SHF: variants seen among roughly 807,000 people sequenced by gnomAD.
SHF encodes SH2 domain-containing adapter protein F.
In SHF, 30 loss-of-function variants were observed where a neutral mutation model predicts 42.4. The ratio of observed to expected loss-of-function variants is 0.71; its 90% CI spans 0.53 to 0.96. The LOEUF is 0.96. SHF is among the 40% of genes least tolerant of loss of function. The pLI, the probability that SHF is intolerant of heterozygous loss-of-function variation, is 0.00. For synonymous variants in SHF, 264 were observed against 269.9 expected (o/e 0.98, Z 0.21); for missense variants, 598 against 634.0 (o/e 0.94, Z 0.61).
chr15:45,167,836 C>T lies in SHF; in HGVS notation c.*111G>A. 9.3e-7 allele frequency: 1 copy of T among 1,075,248 alleles called. No individual in the cohort carries two copies. The highest frequency in any genetic ancestry group is 1.3e-6 in the Non-Finnish European group (1 of 793,580). The allele number at this position is 1,075,248 out of a possible 1,614,324, so 66.6% of individuals were successfully genotyped here. A position where few individuals can be genotyped will look rare whatever the true frequency, so the allele number is the denominator to read the frequency against. On this transcript the variant is annotated 3_prime_UTR_variant, in exon 7 of 7. Coordinates refer to ENST00000690270, the MANE Select transcript of SHF (RefSeq NM_001394037.1). ...AGGAATCTCCAGCTTCTACTGGATCCCAGGAGAAGAAAGGTTTGAAAGATC... is the reference window on the plus strand; with the variant it reads ...AGGAATCTCCAGCTTCTACTGGATCTCAGGAGAAGAAAGGTTTGAAAGATC...
chr15:45,190,684 A>C (rs74467424), upstream of SHF, among the ~76,000 whole-genome samples: 16,064 of 152,050 alleles, frequency 0.11, 903 homozygotes, highest in Middle Eastern at 0.22. Flanking sequence ...AAGGAGTGAA[A>C]GGTCATTCCA....
At chr15:45,177,884 C>T (rs1433420653) in intron 2 of SHF, among the ~76,000 whole-genome samples, 2 of 152,160 alleles carry the variant, frequency 1.3e-5, no homozygotes, top group African/African-American at 4.8e-5. Context: ...TTTTTGGGAT[C>T]ACTGATCCTC....
At chr15:45,172,888 G>A (rs1026408551) in intron 4 of SHF, among the ~76,000 whole-genome samples, 8 of 150,640 alleles carry the variant, frequency 5.3e-5, no homozygotes, top group African/African-American at 1.9e-4. Context: ...CAGAGGCCCA[G>A]AGGCAGCACC....
chr15:45,175,262 C>A lies in SHF; in HGVS notation c.804G>T (p.Gln268His), dbSNP rs761156526. 6.2e-7 allele frequency: 1 copy of A among 1,612,130 alleles called. No individual in the cohort carries two copies. Among genetic ancestry groups the A allele is most frequent in the Non-Finnish European group, 8.5e-7 (1 of 1,179,342 alleles). Residue 268 changes from glutamine (Q) to histidine (H), a missense_variant, in exon 3 of 7, where the codon CAG becomes CAT. Physicochemically the swap from Gln to His is conservative, Grantham distance 24. Around this residue, in one of 2 missense-constraint regions of SHF, gnomAD observed 439 missense variants for 524.6 expected, o/e 0.84. Transcript: ENST00000690270. ...TCCGCTCCTTCTTCCACTCCCAGGG[C>A]TGGTCATACTCCTCAGGGGGCCTCT... is the stretch of plus-strand genomic sequence containing the variant. ...DDERPPEEYD[Q>H]PWEWKKERIS...
chr15:45,179,103 A>G (rs539867523), intron 1 of SHF, among the ~76,000 whole-genome samples: 1 of 152,380 alleles, frequency 6.6e-6, no homozygotes, highest in South Asian at 2.1e-4. Context: ...TGGTGAACAA[A>G]TAAACAGCTG....
At position 45,175,320 on chromosome 15, in the gene SHF, CA is replaced by C; in HGVS notation, c.745del (p.Trp249GlyfsTer117). On this transcript the variant is annotated frameshift_variant, in exon 3 of 7. Coordinates refer to ENST00000690270, the MANE Select transcript of SHF (RefSeq NM_001394037.1). LOFTEE classifies it high-confidence loss of function. ...GATAEGEGAP[W>X]PRESRLPEDD... ...CTCTGGCAGGCGGGACTCCCGGGGC[CA>C]GGGGGCCCCCTCACCTTCCGCGGTG... is the stretch of plus-strand genomic sequence containing the variant. The C allele has an allele frequency of 6.2e-7, 1 of 1,606,640 alleles. No individual in the cohort carries two copies. The highest frequency in any genetic ancestry group is 8.5e-7 in the Non-Finnish European group (1 of 1,176,402).
rs1897303492 is a variant in SHF, at chr15:45,168,020, G to A, written c.1394C>T (p.Ala465Val). 6.2e-7 allele frequency: 1 copy of A among 1,613,642 alleles called. No individual in the cohort carries two copies. Among genetic ancestry groups the A allele is most frequent in the Non-Finnish European group, 8.5e-7 (1 of 1,179,682 alleles). The change falls in exon 7 of 7, where the codon GCC becomes GTC. Residue 465 changes from alanine to valine, a missense_variant. Ala to Val is a moderately conservative substitution (Grantham distance 64, BLOSUM62 0). Around this residue, in one of 2 missense-constraint regions of SHF, gnomAD observed 439 missense variants for 524.6 expected, o/e 0.84. Coordinates refer to ENST00000690270, the MANE Select transcript of SHF (RefSeq NM_001394037.1). ...TCCCTTAATGGGTAGCTTGCGGCTG[G>A]CATAGTGGTGCACAATTTCAGGGAC... ...SSVPEIVHHY[A>V]SRKLPIKGAE...
chr15:45,175,090 T>G (rs1897728332), intron 3 of SHF, 129 bp downstream of exon 3: 1 of 1,029,138 alleles, frequency 9.7e-7, no homozygotes. Flanking sequence ...GGTACAGAAC[T>G]CAACTACATT....
At chr15:45,199,987 AAAAAAAAG>A in intron 1 of SHF, 1 of 103,442 alleles carries the variant, frequency 9.7e-6, no homozygotes, top group African/African-American at 3.1e-5. Flanking sequence ...AAAAAAAAAA[AAAAAAAAG>A]ATTTTTCCTT....
intron 1 of SHF, among the ~76,000 whole-genome samples, chr15:45,181,442 A>G (rs1256424491): frequency 6.6e-6 from 1 of 152,200 alleles, no homozygotes; most frequent in African/African-American, 2.4e-5. Context: ...GGTCCCCAGG[A>G]TAGACTGCTT....
chr15:45,184,605 G>A (rs1458508150), intron 1 of SHF, among the ~76,000 whole-genome samples: 1 of 152,228 alleles, frequency 6.6e-6, no homozygotes, highest in Non-Finnish European at 1.5e-5. Context: ...AGGACACACT[G>A]CACAGATGGT....
At chr15:45,181,488 T>G (rs1487906512) in intron 1 of SHF, among the ~76,000 whole-genome samples, 1 of 152,232 alleles carries the variant, frequency 6.6e-6, no homozygotes, top group Non-Finnish European at 1.5e-5. Flanking sequence ...TTCCGACCCC[T>G]TTGACCTACC....
Position 45,167,253 on chromosome 15 carries a change from T to C in SHF, c.*694A>G, listed in dbSNP as rs533229140. ...GGGCTGTGTCTGCTCCAGAGCTGAT[T>C]TATACGCAGAATCTGCGCTCGCTTC... On this transcript the variant is annotated 3_prime_UTR_variant, in exon 7 of 7. Transcript: ENST00000690270. 3 of 152,102 alleles carry C rather than the reference T, an allele frequency of 2.0e-5. No homozygotes were observed. Among genetic ancestry groups the C allele is most frequent in the Non-Finnish European group, 2.9e-5 (2 of 67,990 alleles). 9.4% of individuals were successfully genotyped at this position (152,102 alleles called of 1,614,324 possible).
At chr15:45,181,768 A>G (rs1898138822) in intron 1 of SHF, among the ~76,000 whole-genome samples, 1 of 152,292 alleles carries the variant, frequency 6.6e-6, no homozygotes, top group South Asian at 2.1e-4. Context: ...CAAAGGGAGG[A>G]ATTGTCCGCA....
chr15:45,198,960 T>C (rs1237432520), exon 2 of SHF: 1 of 1,613,648 alleles, frequency 6.2e-7, no homozygotes, highest in Admixed American at 1.7e-5. Context: ...TGGGCGGAAC[T>C]CAGACTACCC....
At chr15:45,192,331 T>C (rs1488263960), upstream of SHF, among the ~76,000 whole-genome samples, 2 of 147,198 alleles carry the variant, frequency 1.4e-5, no homozygotes, top group East Asian at 2.1e-4. Flanking sequence ...AGAAACTCCC[T>C]ACAGTTTTTT....
intron 1 of SHF, among the ~76,000 whole-genome samples, chr15:45,179,704 G>A (rs1292178189): frequency 6.6e-6 from 1 of 152,228 alleles, no homozygotes; most frequent in Non-Finnish European, 1.5e-5. Context: ...CAGGAGCACT[G>A]CACCACTGGG....
intron 6 of SHF, among the ~76,000 whole-genome samples, chr15:45,168,871 C>T (rs1314392741): frequency 2.0e-5 from 3 of 152,196 alleles, no homozygotes; most frequent in East Asian, 1.9e-4. Flanking sequence ...TGCCTGGCCC[C>T]GCCCTCAAGA....
chr15:45,198,613 A>T, intron 2 of SHF: 1 of 818,396 alleles, frequency 1.2e-6, no homozygotes, highest in Non-Finnish European at 1.8e-6. Context: ...CAATGCCGTG[A>T]CTCGGATTCG....
Sources: allele counts gnomAD v4.1 joint callset (sites outside exome capture counted in the v4.1 genomes callset), GRCh38; gene constraint gnomAD v4.1.1; regional missense constraint gnomAD v4.1.1; transcripts MANE v1.5; gene names NCBI Gene and HGNC (gene_info 2026-07-23, HGNC 2026-07-21).